Variants in RBFOX1 observed in about 807,000 individuals in gnomAD.
The protein encoded by RBFOX1 is RNA binding protein fox-1 homolog 1.
In RBFOX1, 8 loss-of-function variants were observed where a neutral mutation model predicts 57.7. The ratio of observed to expected loss-of-function variants is 0.14; its 90% CI spans 0.08 to 0.25. The LOEUF is 0.25. RBFOX1 is among the 10% of genes least tolerant of loss of function. The pLI, the probability that RBFOX1 is intolerant of heterozygous loss-of-function variation, is 1.00. For missense variants in RBFOX1, 611 were observed against 548.5 expected (o/e 1.11, Z -1.14); for synonymous variants, 326 against 222.4 (o/e 1.47, Z -4.15).
At chr16:7,187,754 T>C (rs981507551) in intron 4 of RBFOX1, among the ~76,000 whole-genome samples, 11 of 141,728 alleles carry the variant, frequency 7.8e-5, no homozygotes, top group African/African-American at 3.0e-4. Flanking sequence ...TTTTAAAATC[T>C]TAGAAACAAA....
At chr16:7,170,348 C>G (rs1023915921) in intron 4 of RBFOX1, among the ~76,000 whole-genome samples, 24 of 152,280 alleles carry the variant, frequency 1.6e-4, no homozygotes, top group African/African-American at 5.5e-4. Context: ...TCACAGCTCA[C>G]TGCCGCTTGA....
At chr16:5,676,899 A>G (rs1370425251) in intron 3 of RBFOX1, among the ~76,000 whole-genome samples, 1 of 152,200 alleles carries the variant, frequency 6.6e-6, no homozygotes, top group African/African-American at 2.4e-5. Flanking sequence ...CTGGGCACAT[A>G]GTACTATTCA....
chr16:7,371,872 C>G (rs1466446812), intron 4 of RBFOX1, among the ~76,000 whole-genome samples: 4 of 151,808 alleles, frequency 2.6e-5, no homozygotes, highest in African/African-American at 7.2e-5. Flanking sequence ...CTTTATCTTG[C>G]TTAATTTCAC....
intron 7 of RBFOX1, among the ~76,000 whole-genome samples, chr16:7,592,433 G>T (rs1442754798): frequency 6.6e-6 from 1 of 152,168 alleles, no homozygotes; most frequent in Admixed American, 6.5e-5. Context: ...GCAAGGTTCT[G>T]GAGTATAATG....
At chr16:7,430,830 G>C (rs932726528) in intron 4 of RBFOX1, among the ~76,000 whole-genome samples, 1 of 152,142 alleles carries the variant, frequency 6.6e-6, no homozygotes, top group African/African-American at 2.4e-5. Flanking sequence ...TATAATCTAA[G>C]CATCCTTATT....
intron 1 of RBFOX1, among the ~76,000 whole-genome samples, chr16:5,392,514 GATAT>G (rs202098635): frequency 4.0e-5 from 6 of 149,686 alleles, no homozygotes; most frequent in Middle Eastern, 3.4e-3. Flanking sequence ...TATGTCTAAT[GATAT>G]ATATATATAT....
chr16:5,917,489 A>C (rs559308727), intron 4 of RBFOX1, among the ~76,000 whole-genome samples: 2 of 152,224 alleles, frequency 1.3e-5, no homozygotes, highest in Admixed American at 6.5e-5. Flanking sequence ...TCGGGACCTC[A>C]TAATGATTGC....
intron 1 of RBFOX1, among the ~76,000 whole-genome samples, chr16:5,296,061 C>T (rs2063659635): frequency 9.3e-6 from 1 of 107,812 alleles, no homozygotes; most frequent in African/African-American, 2.6e-5. Flanking sequence ...AAGGCATCTC[C>T]CTCCATTGCG....
At chr16:5,903,319 C>T (rs1351501823) in intron 4 of RBFOX1, among the ~76,000 whole-genome samples, 4 of 152,314 alleles carry the variant, frequency 2.6e-5, no homozygotes, top group East Asian at 1.9e-4. Flanking sequence ...GCTGTGCATG[C>T]TCCAGTATCA....
At chr16:6,827,796 C>T (rs144711998) in intron 3 of RBFOX1, among the ~76,000 whole-genome samples, 2,447 of 152,296 alleles carry the variant, frequency 0.016, 32 homozygotes, top group Non-Finnish European at 0.027. Flanking sequence ...GCCTTTATCC[C>T]AGGTCAGCTT....
intron 3 of RBFOX1, among the ~76,000 whole-genome samples, chr16:6,924,187 T>TAAG (rs1213092952): frequency 6.6e-6 from 1 of 150,972 alleles, no homozygotes; most frequent in Non-Finnish European, 1.5e-5. Flanking sequence ...ATAATAATAA[T>TAAG]AATAATAGCA....
chr16:7,606,579 G>T lies in RBFOX1; in HGVS notation c.623-706G>T, dbSNP rs75599281. Among the ~76,000 whole-genome samples the T allele has an allele frequency of 3.3e-5, 5 of 152,080 alleles. No homozygotes were observed. The East Asian group carries it at 5.8e-4, about 18-fold the overall frequency. ...GAATATTCTTGTATGCTCTTTTTTT[G>T]TGAGTAAAGATTTCTAAAGGGTCAG... On this transcript the variant is annotated intron_variant, in intron 9 of 15. Transcript: ENST00000550418.
chr16:6,644,431 CCTT>C (rs1237137097), intron 2 of RBFOX1, among the ~76,000 whole-genome samples: 1 of 152,158 alleles, frequency 6.6e-6, no homozygotes, highest in Non-Finnish European at 1.5e-5. Flanking sequence ...AAGAGCAAAA[CCTT>C]CTTCCTCAGC....
At chr16:7,077,809 A>T (rs535011124) in intron 4 of RBFOX1, among the ~76,000 whole-genome samples, 1 of 152,338 alleles carries the variant, frequency 6.6e-6, no homozygotes, top group African/African-American at 2.4e-5. Flanking sequence ...TGATATAAAC[A>T]AAATGTGCTT....
At position 6,732,292 on chromosome 16, in the gene RBFOX1, C is replaced by T. The variant is rs575857229; in HGVS notation, c.-16+77642C>T. On this transcript the variant is annotated intron_variant, in intron 3 of 15. Coordinates refer to ENST00000550418, the MANE Select transcript of RBFOX1 (RefSeq NM_018723.4). Reference sequence around the variant, plus strand: ...AAGAATCCACAGTGAAATTCCAGCTCCAGAATTCACCGTCTCGGCCCCAGG... The same window carrying T: ...AAGAATCCACAGTGAAATTCCAGCTTCAGAATTCACCGTCTCGGCCCCAGG... Among the ~76,000 whole-genome samples, 4 of 152,278 alleles carry T rather than the reference C, an allele frequency of 2.6e-5. No individual in the cohort carries two copies. In the East Asian group the frequency reaches 7.7e-4, roughly 29 times the overall value.
At chr16:6,665,724 C>T (rs1423054553) in intron 3 of RBFOX1, among the ~76,000 whole-genome samples, 1 of 151,418 alleles carries the variant, frequency 6.6e-6, no homozygotes, top group Non-Finnish European at 1.5e-5. Context: ...ATAATAGCAA[C>T]TACCTTGCAT....
chr16:7,352,845 A>G (rs1250664021), intron 4 of RBFOX1, among the ~76,000 whole-genome samples: 1 of 152,072 alleles, frequency 6.6e-6, no homozygotes, highest in Non-Finnish European at 1.5e-5. Context: ...CCTCCCAAGT[A>G]GCTGGGACTA....
intron 4 of RBFOX1, among the ~76,000 whole-genome samples, chr16:5,973,804 T>C (rs2152302033): frequency 6.6e-6 from 1 of 152,370 alleles, no homozygotes. Context: ...CAAGGATCTG[T>C]CTCTTCTGCT....
intron 4 of RBFOX1, among the ~76,000 whole-genome samples, chr16:7,134,779 C>G (rs1600567256): frequency 6.6e-6 from 1 of 152,178 alleles, no homozygotes; most frequent in Admixed American, 6.5e-5. Flanking sequence ...AATTTGCAAA[C>G]AGGCTTCTGA....
Sources: allele counts gnomAD v4.1 joint callset (sites outside exome capture counted in the v4.1 genomes callset), GRCh38; gene constraint gnomAD v4.1.1; transcripts MANE v1.5; gene names NCBI Gene and HGNC (gene_info 2026-07-23, HGNC 2026-07-21).